The following SPATA16 variants were observed in gnomAD, a reference collection of about 807,000 sequenced individuals.
SPATA16 encodes spermatogenesis-associated protein 16.
Under a neutral mutation model 63.3 loss-of-function variants are expected in SPATA16, and 36 were observed. The ratio of observed to expected loss-of-function variants is 0.57; its 90% CI spans 0.44 to 0.75. The LOEUF (loss-of-function observed/expected upper bound fraction) is 0.75. Among genes scored for constraint, SPATA16 ranks in the 30% least tolerant of loss-of-function variants. The pLI is 0.00. For synonymous variants in SPATA16, 203 were observed against 216.7 expected (o/e 0.94, Z 0.56); for missense variants, 646 against 679.3 (o/e 0.95, Z 0.54).
At chr3:172,955,528 C>T (rs980715156) in intron 6 of SPATA16, among the ~76,000 whole-genome samples, 7 of 152,024 alleles carry the variant, frequency 4.6e-5, no homozygotes, top group East Asian at 1.9e-4. Context: ...TATTATGGCC[C>T]GTATTATGCT....
intron 5 of SPATA16, among the ~76,000 whole-genome samples, chr3:172,967,656 A>G (rs902206246): frequency 7.9e-5 from 12 of 152,154 alleles, no homozygotes; most frequent in Non-Finnish European, 1.2e-4. Context: ...GTTGCTCCCC[A>G]TTGCTGGCAT....
intron 6 of SPATA16, among the ~76,000 whole-genome samples, chr3:172,948,917 C>T (rs1415209405): frequency 6.6e-6 from 1 of 152,166 alleles, no homozygotes; most frequent in East Asian, 1.9e-4. Flanking sequence ...AAAAGAGCAT[C>T]TACTCTATGA....
chr3:172,944,924 T>C (rs575912084), intron 6 of SPATA16, among the ~76,000 whole-genome samples: 43 of 152,286 alleles, frequency 2.8e-4, no homozygotes, highest in Non-Finnish European at 4.3e-4. Flanking sequence ...TGCACAATAA[T>C]GCGAATGTAG....
chr3:172,976,871 A>G, intron 5 of SPATA16, 97 bp downstream of exon 5: 1 of 927,252 alleles, frequency 1.1e-6, no homozygotes, highest in Non-Finnish European at 1.8e-6. Flanking sequence ...ATATGCCCAG[A>G]GCTACCTTTT....
intron 2 of SPATA16, among the ~76,000 whole-genome samples, chr3:173,059,843 T>C (rs1577153532): frequency 8.9e-6 from 1 of 112,052 alleles, no homozygotes; most frequent in East Asian, 3.4e-4. Flanking sequence ...TTTTTTTTTT[T>C]TTTTTTTTTT....
At chr3:173,128,057 G>A (rs140107289) in intron 1 of SPATA16, among the ~76,000 whole-genome samples, 1,727 of 152,184 alleles carry the variant, frequency 0.011, 27 homozygotes, top group African/African-American at 0.039. Flanking sequence ...CATTGGAAAG[G>A]AATCACAGGG....
intron 6 of SPATA16, among the ~76,000 whole-genome samples, chr3:172,937,870 G>A (rs944177026): frequency 6.6e-6 from 1 of 152,104 alleles, no homozygotes; most frequent in Non-Finnish European, 1.5e-5. Context: ...ATTGCAGACG[G>A]GTATACATCA....
intron 2 of SPATA16, among the ~76,000 whole-genome samples, chr3:173,056,727 A>AAAAAT (rs1201798242): frequency 6.6e-6 from 1 of 151,130 alleles, no homozygotes; most frequent in African/African-American, 2.4e-5. Context: ...AAAAAAAAAA[A>AAAAAT]AAGAAATGTG....
At chr3:172,999,825 T>G (rs1734776338) in intron 4 of SPATA16, among the ~76,000 whole-genome samples, 1 of 152,224 alleles carries the variant, frequency 6.6e-6, no homozygotes, top group Admixed American at 6.5e-5. Flanking sequence ...AAACATCAAT[T>G]TTATTAATCT....
chr3:172,930,191 G>A (rs1417794557), intron 6 of SPATA16, among the ~76,000 whole-genome samples: 3 of 152,122 alleles, frequency 2.0e-5, no homozygotes, highest in South Asian at 2.1e-4. Context: ...ATCACCACTC[G>A]ATGAATATTT....
At chr3:172,997,421 A>C (rs899106611) in intron 4 of SPATA16, among the ~76,000 whole-genome samples, 4 of 152,020 alleles carry the variant, frequency 2.6e-5, no homozygotes, top group African/African-American at 7.2e-5. Context: ...TTCTTTGGTG[A>C]AGTGTCTGTT....
At chr3:173,131,664 C>G (rs75911859) in intron 1 of SPATA16, among the ~76,000 whole-genome samples, 2 of 152,070 alleles carry the variant, frequency 1.3e-5, no homozygotes, top group Non-Finnish European at 1.5e-5. Context: ...TGCGGTCTTA[C>G]GAGACAAGGA....
At chr3:172,938,851 G>A (rs1425642738) in intron 6 of SPATA16, among the ~76,000 whole-genome samples, 3 of 80,010 alleles carry the variant, frequency 3.7e-5, no homozygotes, top group Non-Finnish European at 7.0e-5. Flanking sequence ...GCAACAAATG[G>A]ATCCCCTGGC....
chr3:172,905,023 G>T (rs929448791), intron 10 of SPATA16, among the ~76,000 whole-genome samples: 4 of 152,038 alleles, frequency 2.6e-5, no homozygotes, highest in African/African-American at 9.7e-5. Flanking sequence ...CTCCCTCCCT[G>T]CTTGTCCTAG....
intron 2 of SPATA16, among the ~76,000 whole-genome samples, chr3:173,093,610 T>C (rs1042747379): frequency 1.3e-5 from 2 of 152,146 alleles, no homozygotes; most frequent in African/African-American, 4.8e-5. Flanking sequence ...AGGATTAAAA[T>C]CATATTCATC....
intron 3 of SPATA16, among the ~76,000 whole-genome samples, chr3:173,020,095 A>G (rs1441799514): frequency 2.0e-5 from 3 of 152,070 alleles, no homozygotes; most frequent in Non-Finnish European, 2.9e-5. Flanking sequence ...CATGAGTTCA[A>G]GAACAGCCTG....
rs1197113409 is a variant in SPATA16, at chr3:173,118,831, T to G, written c.-18-1082A>C. On this transcript the variant is annotated intron_variant, in intron 1 of 10. Transcript: ENST00000351008. ...ATAACATGAGGTTCTTTAGTATAGC[T>G]AATAGACATAGATTAGACCACAAAG... Among the ~76,000 whole-genome samples, 7 of 152,188 alleles carry G rather than the reference T, an allele frequency of 4.6e-5. No homozygotes were observed. The South Asian group carries it at 1.2e-3, about 27-fold the overall frequency.
intron 1 of SPATA16, among the ~76,000 whole-genome samples, chr3:173,123,497 G>T (rs1184098352): frequency 6.6e-6 from 1 of 151,616 alleles, no homozygotes; most frequent in Non-Finnish European, 1.5e-5. Context: ...TGACTTTACT[G>T]CTGCTTTACT....
intron 3 of SPATA16, among the ~76,000 whole-genome samples, chr3:173,022,946 C>A (rs1419028722): frequency 1.3e-5 from 2 of 151,940 alleles, no homozygotes; most frequent in Non-Finnish European, 2.9e-5. Flanking sequence ...GCAATGATTG[C>A]CTACTCCATT....
Sources: gnomAD v4.1 joint callset for allele counts (sites outside exome capture counted in the v4.1 genomes callset) on GRCh38, gnomAD v4.1.1 for gene constraint, MANE v1.5 for transcripts, NCBI Gene and HGNC (gene_info 2026-07-23, HGNC 2026-07-21) for gene names.